Variants in ZMYND11 observed in about 807,000 individuals in gnomAD.
ZMYND11 encodes the protein zinc finger MYND-type containing 11, also known as zinc finger MYND domain-containing protein 11.
Under a neutral mutation model 84.9 loss-of-function variants are expected in ZMYND11, and 9 were observed. The observed-to-expected ratio is 0.11, with a 90% confidence interval of 0.06 to 0.18. The LOEUF is 0.18. Among genes scored for constraint, ZMYND11 ranks in the 10% least tolerant of loss-of-function variants. The pLI is 1.00. For synonymous variants in ZMYND11, 250 were observed against 244.1 expected, an observed-to-expected ratio of 1.02 and a Z score of -0.23; for missense variants, 409 against 761.0, an observed-to-expected ratio of 0.54 and a Z score of 5.44.
intron 9 of ZMYND11, 74 bp downstream of exon 9, chr10:241,044 A>C: frequency 1.6e-6 from 2 of 1,222,888 alleles, no homozygotes; most frequent in Non-Finnish European, 2.3e-6. Flanking sequence ...GTTAAAGATT[A>C]TAATTTTCTT....
rs1174194553 is a variant in ZMYND11 at position 135,639 on chromosome 10, C to A, written c.-20+80C>A. ...GGCGCGGCCCGCGCGGTGGAGCCTG[C>A]CTGGCCGCGGCCTCTGGGGCGGCGG... is the stretch of plus-strand genomic sequence containing the variant. On this transcript the variant is annotated intron_variant, in intron 1 of 14. Coordinates refer to ENST00000381604, the MANE Select transcript of ZMYND11 (RefSeq NM_001370100.5). The surrounding 1 kb of genome is among the most constrained non-coding windows in gnomAD (Gnocchi z 5.6). 6.7e-6 allele frequency: 1 copy of A among 149,348 alleles called. No homozygotes were observed. The highest frequency in any genetic ancestry group is 1.5e-5 in the Non-Finnish European group (1 of 66,766). 9.3% of individuals were successfully genotyped at this position (149,348 alleles called of 1,614,324 possible).
At chr10:133,040 C>T (rs1192552114), upstream of ZMYND11, among the ~76,000 whole-genome samples, 2 of 152,196 alleles carry the variant, frequency 1.3e-5, no homozygotes, top group African/African-American at 4.8e-5. Flanking sequence ...GGTCCCCAGA[C>T]CCACACACAC....
chr10:136,265 C>G (rs555932209), intron 1 of ZMYND11, among the ~76,000 whole-genome samples: 1 of 152,170 alleles, frequency 6.6e-6, no homozygotes, highest in Admixed American at 6.5e-5. Flanking sequence ...CCCGGACTTT[C>G]ACTTGCAGTC....
At chr10:214,072 G>A (rs1170673555) in intron 3 of ZMYND11, among the ~76,000 whole-genome samples, 1 of 152,066 alleles carries the variant, frequency 6.6e-6, no homozygotes, top group East Asian at 1.9e-4. Context: ...CTTTTGGACT[G>A]CAGTTATTTT....
rs564439423 is a variant in ZMYND11 at position 161,401 on chromosome 10, C to A, written c.-19-18593C>A. On this transcript the variant is annotated intron_variant, in intron 1 of 14. Coordinates refer to ENST00000381604, the MANE Select transcript of ZMYND11 (RefSeq NM_001370100.5). ...CGGGCAGAGTAGATATAGCATAATT[C>A]TTAAGGGCGCTAGGATTTTCAGAAT... is the stretch of plus-strand genomic sequence containing the variant. Among the ~76,000 whole-genome samples, 4 of 152,294 alleles carry A rather than the reference C, an allele frequency of 2.6e-5. No individual in the cohort carries two copies. The South Asian group carries it at 8.3e-4, about 32-fold the overall frequency.
intron 1 of ZMYND11, among the ~76,000 whole-genome samples, chr10:163,670 T>A (rs1554762821): frequency 6.6e-6 from 1 of 152,126 alleles, no homozygotes; most frequent in Non-Finnish European, 1.5e-5. Flanking sequence ...TAATTCCTCC[T>A]TCTCCCCCAA....
At chr10:167,706 G>T (rs1415544479) in intron 1 of ZMYND11, among the ~76,000 whole-genome samples, 2 of 151,992 alleles carry the variant, frequency 1.3e-5, no homozygotes, top group Non-Finnish European at 1.5e-5. Flanking sequence ...TTATCTTGGG[G>T]GCTCTTGGGG....
chr10:158,358 G>A (rs782691153), intron 1 of ZMYND11, among the ~76,000 whole-genome samples: 3 of 151,528 alleles, frequency 2.0e-5, no homozygotes, highest in South Asian at 2.1e-4. Flanking sequence ...TGAAAACACC[G>A]GTTTCTATTA....
chr10:213,572 C>T (rs1484219659), intron 3 of ZMYND11, among the ~76,000 whole-genome samples: 1 of 152,002 alleles, frequency 6.6e-6, no homozygotes, highest in Non-Finnish European at 1.5e-5. Context: ...TTAGGCAGTT[C>T]TGTTATTTTT....
At chr10:179,967 C>A in intron 1 of ZMYND11, 27 bp from the exon 2 acceptor site, 1 of 1,385,916 alleles carries the variant, frequency 7.2e-7, no homozygotes, top group Non-Finnish European at 1.0e-6. Context: ...CTGTTTTTTT[C>A]CCTTATGTTT....
chr10:130,631 A>G (rs991989806), upstream of ZMYND11, among the ~76,000 whole-genome samples: 28 of 152,220 alleles, frequency 1.8e-4, no homozygotes, highest in Non-Finnish European at 3.7e-4. Flanking sequence ...AAATTGGTAA[A>G]TAACTTGTCC....
At chr10:212,783 G>A (rs1945483637) in intron 3 of ZMYND11, among the ~76,000 whole-genome samples, 1 of 151,924 alleles carries the variant, frequency 6.6e-6, no homozygotes, top group African/African-American at 2.4e-5. Flanking sequence ...AAGCACATTA[G>A]TTTCTTACTA....
intron 4 of ZMYND11, among the ~76,000 whole-genome samples, chr10:231,236 C>G (rs1306575235): frequency 2.0e-5 from 3 of 152,190 alleles, no homozygotes; most frequent in African/African-American, 7.2e-5. Context: ...TGCTTCTTGA[C>G]TTTTGGTCTA....
intron 1 of ZMYND11, among the ~76,000 whole-genome samples, chr10:156,876 A>G (rs1841839050): frequency 6.6e-6 from 1 of 152,126 alleles, no homozygotes; most frequent in African/African-American, 2.4e-5. Flanking sequence ...TTACTTACCT[A>G]TTTTCAATGA....
chr10:155,997 T>C (rs1841628553), intron 1 of ZMYND11, among the ~76,000 whole-genome samples: 1 of 152,216 alleles, frequency 6.6e-6, no homozygotes, highest in Non-Finnish European at 1.5e-5. Context: ...TTCAAGCACA[T>C]GAGTGCAAAA....
chr10:135,753 C>T lies in ZMYND11; in HGVS notation c.-20+194C>T, dbSNP rs1384081368. On this transcript the variant is annotated intron_variant, in intron 1 of 14. Coordinates refer to ENST00000381604, the MANE Select transcript of ZMYND11 (RefSeq NM_001370100.5). The surrounding 1 kb of genome is among the most constrained non-coding windows in gnomAD (Gnocchi z 5.6). ...TTTGTGGATGGCGGGGCGGGCCGGGCCGGCGGGGCCTGCGAGGGCGGCGGC... is the reference window on the plus strand; with the variant it reads ...TTTGTGGATGGCGGGGCGGGCCGGGTCGGCGGGGCCTGCGAGGGCGGCGGC... Among the ~76,000 whole-genome samples the T allele has an allele frequency of 6.8e-6, 1 of 146,934 alleles. No individual in the cohort carries two copies. The highest frequency in any genetic ancestry group is 1.5e-5 in the Non-Finnish European group (1 of 65,962).
intron 2 of ZMYND11, among the ~76,000 whole-genome samples, chr10:195,113 T>C (rs772001312): frequency 6.6e-6 from 1 of 152,216 alleles, no homozygotes; most frequent in Admixed American, 6.5e-5. Context: ...TGAACTGCAA[T>C]ACTGGAATAC....
Position 248,916 on chromosome 10 carries a change from T to C in ZMYND11, c.1514T>C (p.Met505Thr), listed in dbSNP as rs1201470390. 2 of 1,612,030 alleles carry C rather than the reference T, an allele frequency of 1.2e-6. No individual in the cohort carries two copies. The highest frequency in any genetic ancestry group is 1.1e-5 in the South Asian group (1 of 90,690). The change falls in exon 14 of 15, where the codon ATG (methionine) becomes ACG (threonine). Residue 505 changes from methionine (M) to threonine (T), a missense_variant. Met to Thr is a moderately conservative substitution (Grantham distance 81, BLOSUM62 -1). This residue lies in a region of ZMYND11 where 141 missense variants were observed against 173.8 expected (regional missense o/e 0.81). Transcript: ENST00000381604. Reference sequence around the variant, plus strand: ...TTTTCATTCCAGCTGCGTTCTGAAATGGAAGAAGAAAAGAGACAAGCTGTA... The same window carrying C: ...TTTTCATTCCAGCTGCGTTCTGAAACGGAAGAAGAAAAGAGACAAGCTGTA... ...REALEKLRSE[M>T]EEEKRQAVNK...
At position 239,539 on chromosome 10, in the gene ZMYND11, G is replaced by GTTTT. The variant is rs34648283; in HGVS notation, c.697+19_697+22dup. 1.4e-5 allele frequency: 21 copies of GTTTT among 1,472,922 alleles called. No homozygotes were observed. Among genetic ancestry groups the GTTTT allele is most frequent in the East Asian group, 7.2e-5 (3 of 41,738 alleles). 91.2% of individuals were successfully genotyped at this position (1,472,922 alleles called of 1,614,324 possible). A position where few individuals can be genotyped will look rare whatever the true frequency, so the allele number is the denominator to read the frequency against. ...TTTTCTATGGAGGTTGAATATTTTT[G>GTTTT]TTTTTTTTGTATGCATTTTTAAACA... is the stretch of plus-strand genomic sequence containing the variant. On this transcript the variant is annotated intron_variant, in intron 7 of 14. Transcript: ENST00000381604.
Sources: gnomAD v4.1 joint callset for allele counts (sites outside exome capture counted in the v4.1 genomes callset) on GRCh38, gnomAD v4.1.1 for gene constraint, gnomAD v4.1.1 regional missense constraint, Gnocchi (gnomAD v3.1) non-coding constraint, MANE v1.5 for transcripts, NCBI Gene and HGNC (gene_info 2026-07-23, HGNC 2026-07-21) for gene names.